Variants in ATG16L1 observed in about 807,000 individuals in gnomAD.
ATG16L1 encodes the protein autophagy related 16 like 1.
A neutral mutation model predicts 88.5 loss-of-function variants in ATG16L1; 37 were observed. That is an observed-to-expected ratio of 0.42 (90% CI 0.32 to 0.55). The LOEUF is 0.55. Among genes scored for constraint, ATG16L1 ranks in the 20% least tolerant of loss-of-function variants. ATG16L1 has a pLI of 0.13. For missense variants in ATG16L1, 554 were observed against 752.8 expected (o/e 0.74, Z 3.09); for synonymous variants, 301 against 281.0 (o/e 1.07, Z -0.71).
Position 233,273,727 on chromosome 2 carries a change from ACT to A in ATG16L1, c.805_806del (p.Ser269AlafsTer12). On this transcript the variant is annotated frameshift_variant, in exon 8 of 18. Coordinates refer to ENST00000392017, the MANE Select transcript of ATG16L1 (RefSeq NM_030803.7). LOFTEE classifies it high-confidence loss of function. ...RAISRAATKR[L>X]SQPAGGLLDS... ...ATCCTCCCCTCCTCTTTAGTAAGCGACTCTCGCAGCCTGCTGGAGGCCTTCTG... is the reference window on the plus strand; with the variant it reads ...ATCCTCCCCTCCTCTTTAGTAAGCGACTCGCAGCCTGCTGGAGGCCTTCTG... The A allele has an allele frequency of 6.2e-7, 1 of 1,613,880 alleles. No homozygotes were observed. Among genetic ancestry groups the A allele is most frequent in the Non-Finnish European group, 8.5e-7 (1 of 1,179,966 alleles).
intron 9 of ATG16L1, among the ~76,000 whole-genome samples, chr2:233,276,804 C>T (rs1340066276): frequency 1.3e-5 from 2 of 151,964 alleles, no homozygotes; most frequent in Non-Finnish European, 2.9e-5. Context: ...GGTTTTCTTT[C>T]TTATCCTGAA....
At chr2:233,264,844 ACAGGGCTCTGGCG>A (rs767529830) in intron 4 of ATG16L1, 35 bp from the exon 5 acceptor site, 2 of 1,607,430 alleles carry the variant, frequency 1.2e-6, no homozygotes, top group Non-Finnish European at 1.7e-6. Context: ...TGGCTCTGGC[ACAGGGCTCTGGCG>A]AGGTACTATT....
chr2:233,282,190 A>G (rs921231486), intron 11 of ATG16L1, among the ~76,000 whole-genome samples: 2 of 152,300 alleles, frequency 1.3e-5, no homozygotes, highest in Admixed American at 6.5e-5. Context: ...GCTTGGAGGA[A>G]GCAGGTCTGC....
intron 10 of ATG16L1, among the ~76,000 whole-genome samples, chr2:233,280,867 A>G (rs1050406431): frequency 6.6e-6 from 1 of 152,228 alleles, no homozygotes; most frequent in Non-Finnish European, 1.5e-5. Context: ...AGAACAGAAC[A>G]CACATCCAAG....
At chr2:233,291,768 G>A (rs1195154018) in intron 14 of ATG16L1, among the ~76,000 whole-genome samples, 2 of 152,322 alleles carry the variant, frequency 1.3e-5, no homozygotes, top group East Asian at 3.9e-4. Flanking sequence ...CACTAATGCA[G>A]GTTTCTTTGC....
chr2:233,293,186 A>G lies in ATG16L1; in HGVS notation c.1629-70A>G, dbSNP rs959183271. On this transcript the variant is annotated intron_variant, in intron 16 of 17. Coordinates refer to ENST00000392017, the MANE Select transcript of ATG16L1 (RefSeq NM_030803.7). ...GAAGAACAAACATTCCTTCTTGGGA[A>G]AAAGGCCACAGAGATGCTGAATTGG... 1.1e-5 allele frequency: 15 copies of G among 1,356,958 alleles called. No homozygotes were observed. In the African/African-American group the frequency reaches 2.2e-4, roughly 19 times the overall value. The allele number at this position is 1,356,958 out of a possible 1,614,324, so 84.1% of individuals were successfully genotyped here.
intron 2 of ATG16L1, among the ~76,000 whole-genome samples, chr2:233,262,211 A>G (rs1461778019): frequency 6.6e-6 from 1 of 152,160 alleles, no homozygotes; most frequent in African/African-American, 2.4e-5. Flanking sequence ...TGTCTTTGGA[A>G]TGGATCTAGA....
At chr2:233,277,547 C>G (rs755924469) in intron 9 of ATG16L1, 21 bp from the exon 10 acceptor site, 14 of 1,609,608 alleles carry the variant, frequency 8.7e-6, no homozygotes, top group Non-Finnish European at 1.1e-5. Context: ...CTGGGTTTGA[C>G]ACAGGGTGCT....
chr2:233,293,058 A>C (rs1347866039), intron 16 of ATG16L1, among the ~76,000 whole-genome samples, 198 bp from the exon 17 acceptor site: 1 of 152,210 alleles, frequency 6.6e-6, no homozygotes, highest in Non-Finnish European at 1.5e-5. Flanking sequence ...GCCACTGTTC[A>C]TTAGCCGGAC....
chr2:233,289,072 G>A (rs1362155381), intron 12 of ATG16L1: 17 of 373,888 alleles, frequency 4.5e-5, no homozygotes, highest in South Asian at 3.2e-4. Flanking sequence ...GCAGCATGGC[G>A]CAACATCGAG....
At chr2:233,273,700 C>T in intron 7 of ATG16L1, 21 bp from the exon 8 acceptor site, 1 of 1,612,960 alleles carries the variant, frequency 6.2e-7, no homozygotes, top group Non-Finnish European at 8.5e-7. Flanking sequence ...AGGTTTAAAC[C>T]TATCCTCCCC....
chr2:233,263,079 C>A (rs1697328925), intron 2 of ATG16L1, 51 bp from the exon 3 acceptor site: 1 of 1,498,360 alleles, frequency 6.7e-7, no homozygotes, highest in East Asian at 2.3e-5. Flanking sequence ...TCTCATTTTT[C>A]CCCCTCCGTT....
intron 11 of ATG16L1, among the ~76,000 whole-genome samples, chr2:233,281,956 C>T (rs892236955): frequency 2.0e-5 from 3 of 152,136 alleles, no homozygotes; most frequent in Admixed American, 6.5e-5. Flanking sequence ...AGTGTCTGGG[C>T]GTTAATCATC....
chr2:233,272,919 A>C (rs1255805986), intron 6 of ATG16L1, 47 bp from the exon 7 acceptor site: 1 of 1,541,148 alleles, frequency 6.5e-7, no homozygotes, highest in Admixed American at 1.7e-5. Flanking sequence ...CCGATTAATC[A>C]CAGAACTGTT....
Position 233,293,633 on chromosome 2 carries a change from G to A in ATG16L1, c.1730+276G>A, listed in dbSNP as rs112053631. ...TCCCTGACTCTTTGGTTATGTCCACGTCCTCTGTGTCTCCTTCCCCTTCCC... is the reference window on the plus strand; with the variant it reads ...TCCCTGACTCTTTGGTTATGTCCACATCCTCTGTGTCTCCTTCCCCTTCCC... On this transcript the variant is annotated intron_variant, in intron 17 of 17. Coordinates refer to ENST00000392017, the MANE Select transcript of ATG16L1 (RefSeq NM_030803.7). 5.3e-4 allele frequency among the ~76,000 whole-genome samples: 78 copies of A among 147,496 alleles called. 1 individual carries two copies. The Middle Eastern group carries it at 0.014, about 26-fold the overall frequency.
chr2:233,254,617 G>T (rs1394121785), intron 1 of ATG16L1, among the ~76,000 whole-genome samples: 3 of 152,198 alleles, frequency 2.0e-5, no homozygotes, highest in Non-Finnish European at 4.4e-5. Context: ...TTTTTTGAAA[G>T]AACCTAAAAT....
intron 17 of ATG16L1, among the ~76,000 whole-genome samples, chr2:233,293,620 T>A (rs1486427713): frequency 7.3e-4 from 1 of 1,374 alleles, no homozygotes; most frequent in African/African-American, 3.4e-3. Flanking sequence ...CCTGACTCTT[T>A]GGTTATGTCC....
At position 233,263,163 on chromosome 2, in the gene ATG16L1, G is replaced by A. The variant is rs776269085; in HGVS notation, c.243G>A (p.Gln81=). Residue 81 remains glutamine (Q), a synonymous_variant, in exon 3 of 18, where the codon CAG becomes CAA. Coordinates refer to ENST00000392017, the MANE Select transcript of ATG16L1 (RefSeq NM_030803.7). ...PGHDGTWNDN[Q]LQEMAQLRIK... is the part of the protein sequence containing the mutation. ...ATGATGGCACATGGAATGACAATCA[G>A]CTACAAGAAATGGCCCAACTGAGGA... is the stretch of plus-strand genomic sequence containing the variant. 3 of 1,614,098 alleles carry A rather than the reference G, an allele frequency of 1.9e-6. No homozygotes were observed.
intron 2 of ATG16L1, among the ~76,000 whole-genome samples, chr2:233,262,334 T>G (rs1697271510): frequency 6.6e-6 from 1 of 152,186 alleles, no homozygotes; most frequent in Non-Finnish European, 1.5e-5. Context: ...CTTACCCCAC[T>G]GCAATCTGCT....
Sources: gnomAD v4.1 joint callset for allele counts (sites outside exome capture counted in the v4.1 genomes callset) on GRCh38, gnomAD v4.1.1 for gene constraint, MANE v1.5 for transcripts, NCBI Gene and HGNC (gene_info 2026-07-23, HGNC 2026-07-21) for gene names.